PRR5: variants seen among roughly 807,000 people sequenced by gnomAD.
PRR5 encodes proline rich 5.
In PRR5, 25 loss-of-function variants were observed where a neutral mutation model predicts 30.6. That is an observed-to-expected ratio of 0.82 (90% CI 0.60 to 1.14). The LOEUF is 1.14. PRR5 is among the 50% of genes most tolerant of loss of function. The pLI is 0.00. For synonymous variants in PRR5, 286 were observed against 247.1 expected (o/e 1.16, Z -1.48); for missense variants, 600 against 547.1 (o/e 1.10, Z -0.96).
Position 44,733,727 on chromosome 22 carries a change from G to A in PRR5, c.556-1300G>A, listed in dbSNP as rs562563158. ...TACAGGCAGACAATTCCAGGGACAC[G>A]TGGGGTCCCCTGTGTTAGTGTAGGT... is the stretch of plus-strand genomic sequence containing the variant. On this transcript the variant is annotated intron_variant, in intron 6 of 7. Transcript: ENST00000336985. 5.3e-5 allele frequency among the ~76,000 whole-genome samples: 8 copies of A among 152,292 alleles called. No individual in the cohort carries two copies. The East Asian group carries it at 7.7e-4, about 15-fold the overall frequency.
rs1280703698 is a variant in PRR5, at chr22:44,691,276, C to T, written c.-10-11216C>T. Among the ~76,000 whole-genome samples, 5 of 152,170 alleles carry T rather than the reference C, an allele frequency of 3.3e-5. No homozygotes were observed. Among genetic ancestry groups the T allele is most frequent in the Non-Finnish European group, 5.9e-5 (4 of 68,034 alleles). On this transcript the variant is annotated intron_variant, in intron 1 of 8. Coordinates refer to the PRR5 transcript ENST00000006251. This position sits in a 1 kb window ranked among gnomAD's most constrained non-coding sequence, Gnocchi z 4.4. ...TGAGGTTGGTCCTGGCCCTGCCCCT[C>T]ACCAGCCTGTGACCCTGCAGGTGAC... is the stretch of plus-strand genomic sequence containing the variant.
chr22:44,733,948 G>C (rs756854905), intron 6 of PRR5, among the ~76,000 whole-genome samples: 1 of 152,164 alleles, frequency 6.6e-6, no homozygotes, highest in Non-Finnish European at 1.5e-5. Flanking sequence ...GTTAGTCCTC[G>C]CCTCTGGCTG....
chr22:44,726,748 G>A (rs532231185), intron 4 of PRR5, 114 bp downstream of exon 4: 116 of 1,497,366 alleles, frequency 7.7e-5, no homozygotes, highest in South Asian at 7.0e-4. Context: ...TCTCTGGTCC[G>A]GAGGGCTTGG....
intron 2 of PRR5, among the ~76,000 whole-genome samples, chr22:44,719,383 G>T (rs1929592491): frequency 6.6e-6 from 1 of 152,112 alleles, no homozygotes; most frequent in Non-Finnish European, 1.5e-5. Context: ...GAGAAAACAA[G>T]AAAAAAATCT....
chr22:44,736,049 C>A (rs1923184062), intron 7 of PRR5, among the ~76,000 whole-genome samples: 1 of 152,196 alleles, frequency 6.6e-6, no homozygotes, highest in African/African-American at 2.4e-5. Context: ...CTTGGGATTG[C>A]AGGGTCCTGC....
upstream of PRR5, among the ~76,000 whole-genome samples, chr22:44,676,283 C>T (rs1334355117): frequency 1.4e-5 from 2 of 146,098 alleles, no homozygotes; most frequent in African/African-American, 5.1e-5. Context: ...CTTAGCTACT[C>T]GGGAGGCTGA....
chr22:44,672,681 G>A (rs539878083), upstream of PRR5, among the ~76,000 whole-genome samples: 8 of 152,306 alleles, frequency 5.3e-5, no homozygotes, highest in African/African-American at 1.9e-4. Flanking sequence ...CCCAAGCGTG[G>A]GCTACCCTCT....
chr22:44,731,059 G>T, intron 4 of PRR5: 1 of 294,948 alleles, frequency 3.4e-6, no homozygotes. Context: ...GGAGGGAGGA[G>T]GTCGGTGGGT....
rs149128938 is a variant in PRR5, at chr22:44,726,595, G to C, written c.283G>C (p.Gly95Arg). The C allele has an allele frequency of 3.1e-6, 5 of 1,614,132 alleles. No individual in the cohort carries two copies. In the East Asian group the frequency reaches 1.1e-4, roughly 36 times the overall value. ...CCTTCAGAACCAGCTGCTGACAAAA[G>C]GCATGGTGATCCTTCGGGACAAGAT... ...EYLQNQLLTK[G>R]MVILRDKIRF... Residue 95 changes from glycine to arginine, a missense_variant, in exon 4 of 8, where the codon GGC becomes CGC. Physicochemically the swap from Gly to Arg is moderately radical, Grantham distance 125. Transcript: ENST00000336985.
At chr22:44,713,377 G>C (rs370079092) in intron 1 of PRR5, among the ~76,000 whole-genome samples, 2 of 152,258 alleles carry the variant, frequency 1.3e-5, no homozygotes, top group Admixed American at 1.3e-4. Flanking sequence ...GATTACAGGC[G>C]TGAGCCACCC....
At chr22:44,710,650 C>G (rs1928066083) in intron 1 of PRR5, among the ~76,000 whole-genome samples, 1 of 152,162 alleles carries the variant, frequency 6.6e-6, no homozygotes, top group Non-Finnish European at 1.5e-5. Context: ...GTTTACCAAA[C>G]ACCCTTAGCC....
intron 1 of PRR5, among the ~76,000 whole-genome samples, 187 bp from the exon 2 acceptor site, chr22:44,714,404 C>T (rs375319237): frequency 6.6e-6 from 1 of 152,170 alleles, no homozygotes; most frequent in East Asian, 1.9e-4. Flanking sequence ...TCTGGTGATA[C>T]AGGCTGGGCT....
intron 4 of PRR5, among the ~76,000 whole-genome samples, chr22:44,727,554 A>T (rs1214850502): frequency 6.6e-6 from 1 of 152,176 alleles, no homozygotes; most frequent in Non-Finnish European, 1.5e-5. Flanking sequence ...CACTGAATGA[A>T]TGGGGAAAGT....
chr22:44,732,474 G>T, intron 6 of PRR5, 83 bp downstream of exon 6: 1 of 1,524,436 alleles, frequency 6.6e-7, no homozygotes, highest in Non-Finnish European at 8.8e-7. Context: ...AGCATGAGAT[G>T]AGGATTTAGG....
At chr22:44,684,125 C>T (rs1924535608) in intron 1 of PRR5, among the ~76,000 whole-genome samples, 1 of 152,182 alleles carries the variant, frequency 6.6e-6, no homozygotes, top group South Asian at 2.1e-4. Flanking sequence ...TGGGGCTTTT[C>T]AGTTAAACAA....
intron 4 of PRR5, 78 bp from the exon 5 acceptor site, chr22:44,731,652 C>T (rs1921989608): frequency 6.8e-7 from 1 of 1,467,106 alleles, no homozygotes; most frequent in Non-Finnish European, 9.5e-7. Flanking sequence ...CCCGCATCCT[C>T]TGATGACCCA....
chr22:44,710,179 G>A (rs554115726), intron 1 of PRR5, among the ~76,000 whole-genome samples: 4 of 152,118 alleles, frequency 2.6e-5, no homozygotes, highest in Admixed American at 6.5e-5. Context: ...CAGCCCCTAG[G>A]GCCTCAGCCC....
chr22:44,736,828 G>A lies in PRR5; in HGVS notation c.748G>A (p.Val250Met). The change falls in exon 8 of 8, where the codon GTG becomes ATG. Residue 250 changes from valine (V) to methionine (M), a missense_variant. Val to Met is a conservative substitution (Grantham distance 21). Coordinates refer to ENST00000336985, the MANE Select transcript of PRR5 (RefSeq NM_181333.4). Reference protein sequence around the residue: ...SGDVLAKNPVVRSKSYNTPLL... With the variant: ...SGDVLAKNPVMRSKSYNTPLL... ...GGACGTGCTGGCCAAGAACCCTGTG[G>A]TGCGCTCCAAGAGCTACAACACGCC... is the stretch of plus-strand genomic sequence containing the variant. 1 of 1,592,942 alleles carries A rather than the reference G, an allele frequency of 6.3e-7. No individual in the cohort carries two copies. The highest frequency in any genetic ancestry group is 8.6e-7 in the Non-Finnish European group (1 of 1,164,944).
At chr22:44,731,898 C>A in intron 5 of PRR5, 77 bp downstream of exon 5, 2 of 1,453,124 alleles carry the variant, frequency 1.4e-6, no homozygotes, top group African/African-American at 1.4e-5. Context: ...CAGAGGGGGG[C>A]CGCCAGGCTT....
Sources: allele counts gnomAD v4.1 joint callset (sites outside exome capture counted in the v4.1 genomes callset), GRCh38; gene constraint gnomAD v4.1.1; non-coding constraint Gnocchi (gnomAD v3.1); transcripts MANE v1.5; gene names NCBI Gene and HGNC (gene_info 2026-07-23, HGNC 2026-07-21).